DNAH9: variants seen among roughly 807,000 people sequenced by gnomAD.
The protein encoded by DNAH9 is dynein axonemal heavy chain 9.
In DNAH9, 345 loss-of-function variants were observed where a neutral mutation model predicts 471.6. The ratio of observed to expected loss-of-function variants is 0.73; its 90% CI spans 0.67 to 0.80. DNAH9 has a LOEUF of 0.80. Ranked by LOEUF, DNAH9 falls within the 30% of genes least tolerant of loss-of-function variation. The pLI is 0.00. For missense variants in DNAH9, 5,407 were observed against 5,609.2 expected, an observed-to-expected ratio of 0.96 and a Z score of 1.15; for synonymous variants, 2,093 against 2,123.6, an observed-to-expected ratio of 0.99 and a Z score of 0.40.
chr17:11,793,750 G>A (rs140494921), intron 42 of DNAH9, 86 bp downstream of exon 42: 2 of 1,175,026 alleles, frequency 1.7e-6, no homozygotes, highest in Non-Finnish European at 1.2e-6. Flanking sequence ...AAATCTAGCT[G>A]TTTAATGGAG....
chr17:11,701,447 G>A (rs2074593094), intron 24 of DNAH9, among the ~76,000 whole-genome samples, 200 bp downstream of exon 24: 1 of 152,170 alleles, frequency 6.6e-6, no homozygotes, highest in South Asian at 2.1e-4. Flanking sequence ...CCCTGACCTT[G>A]GGAAATCAAG....
intron 38 of DNAH9, among the ~76,000 whole-genome samples, chr17:11,777,581 A>G (rs556453263): frequency 6.6e-6 from 1 of 152,258 alleles, no homozygotes; most frequent in South Asian, 2.1e-4. Context: ...AGCTCATCAC[A>G]GTTCTGAATT....
intron 66 of DNAH9, among the ~76,000 whole-genome samples, chr17:11,938,104 G>C (rs1974772247): frequency 6.6e-6 from 1 of 152,188 alleles, no homozygotes; most frequent in Non-Finnish European, 1.5e-5. Context: ...AGGCAGACCA[G>C]GGTGAGGTGT....
Position 11,874,934 on chromosome 17 carries a change from T to A in DNAH9, c.10243-15T>A. On this transcript the variant is annotated splice_polypyrimidine_tract_variant and intron_variant, in intron 52 of 68. Coordinates refer to ENST00000262442, the MANE Select transcript of DNAH9 (RefSeq NM_001372.4). ...CTTCTGTTCTGAGCGTGGGGTGGTG[T>A]TTCTTCTTCACCAGACTCCCATTCC... 1 of 1,595,930 alleles carries A rather than the reference T, an allele frequency of 6.3e-7. No individual in the cohort carries two copies. The highest frequency in any genetic ancestry group is 8.6e-7 in the Non-Finnish European group (1 of 1,164,044).
rs8076923 is a variant in DNAH9, at chr17:11,735,876, C to T, written c.5815-3004C>T. ...ACTGGTCTGTGGCTGGCACAGCACT[C>T]CTTCTGGTACAAGAGCCTTTGGGGG... On this transcript the variant is annotated intron_variant, in intron 28 of 68. Coordinates refer to ENST00000262442, the MANE Select transcript of DNAH9 (RefSeq NM_001372.4). Among the ~76,000 whole-genome samples the T allele has an allele frequency of 7.4e-3, 1,129 of 152,350 alleles. 15 individuals carry two copies. The highest frequency in any genetic ancestry group is 0.025 in the African/African-American group (1,051 of 41,578).
At chr17:11,817,128 G>A (rs1970127558) in intron 45 of DNAH9, among the ~76,000 whole-genome samples, 1 of 152,096 alleles carries the variant, frequency 6.6e-6, no homozygotes, top group Admixed American at 6.6e-5. Context: ...TATTTAAATA[G>A]CCTCTGCCCC....
At chr17:11,888,149 ATT>A (rs1045580016) in intron 57 of DNAH9, among the ~76,000 whole-genome samples, 2 of 151,172 alleles carry the variant, frequency 1.3e-5, no homozygotes, top group East Asian at 2.0e-4. Context: ...CACCTGGCTA[ATT>A]TTTTTTGTAT....
intron 17 of DNAH9, 46 bp downstream of exon 17, chr17:11,669,840 G>T: frequency 6.7e-7 from 1 of 1,493,352 alleles, no homozygotes; most frequent in Non-Finnish European, 9.2e-7. Context: ...AGGCTGTGAG[G>T]AACACCATGT....
At chr17:11,646,588 C>A (rs951899240) in intron 11 of DNAH9, among the ~76,000 whole-genome samples, 1 of 152,158 alleles carries the variant, frequency 6.6e-6, no homozygotes, top group Admixed American at 6.5e-5. Flanking sequence ...TCTTTCTCCT[C>A]TTCTCTGATT....
intron 39 of DNAH9, among the ~76,000 whole-genome samples, chr17:11,782,687 A>G (rs1205826072): frequency 6.6e-6 from 1 of 152,188 alleles, no homozygotes; most frequent in East Asian, 1.9e-4. Flanking sequence ...ACTTGAGCCC[A>G]GGAGTTTGAG....
chr17:11,923,969 A>T, intron 62 of DNAH9, 28 bp downstream of exon 62: 5 of 1,610,008 alleles, frequency 3.1e-6, no homozygotes, highest in Non-Finnish European at 4.2e-6. Flanking sequence ...TGTCTGGGTT[A>T]TCTTGACCCA....
At chr17:11,694,613 T>TTG (rs1567724416) in intron 22 of DNAH9, among the ~76,000 whole-genome samples, 166 bp downstream of exon 22, 2,951 of 31,080 alleles carry the variant, frequency 0.095, 861 homozygotes, top group South Asian at 0.15. Context: ...TTTCTTGCTT[T>TTG]CTTGCTTTCT....
intron 6 of DNAH9, among the ~76,000 whole-genome samples, chr17:11,620,432 A>C (rs1305612440): frequency 6.6e-6 from 1 of 151,728 alleles, no homozygotes; most frequent in Non-Finnish European, 1.5e-5. Flanking sequence ...GAATTTCTTG[A>C]ACTCGGAAGG....
intron 61 of DNAH9, among the ~76,000 whole-genome samples, chr17:11,913,160 T>G (rs527334712): frequency 3.3e-5 from 5 of 150,484 alleles, no homozygotes; most frequent in Admixed American, 1.3e-4. Context: ...AAAGCGAGAC[T>G]CTGTCTCAAA....
At chr17:11,856,294 A>G (rs1971623250) in intron 50 of DNAH9, among the ~76,000 whole-genome samples, 1 of 152,232 alleles carries the variant, frequency 6.6e-6, no homozygotes, top group Non-Finnish European at 1.5e-5. Flanking sequence ...TATGAAAGGT[A>G]GGATTGTAGA....
At chr17:11,790,600 C>A (rs1374537784) in intron 41 of DNAH9, among the ~76,000 whole-genome samples, 3 of 151,958 alleles carry the variant, frequency 2.0e-5, no homozygotes, top group East Asian at 1.9e-4. Flanking sequence ...CGGTTGGGTT[C>A]TTTAAAGTCC....
chr17:11,647,172 G>A lies in DNAH9; in HGVS notation c.2071G>A (p.Glu691Lys). 6.2e-7 allele frequency: 1 copy of A among 1,614,024 alleles called. No homozygotes were observed. Among genetic ancestry groups the A allele is most frequent in the Non-Finnish European group, 8.5e-7 (1 of 1,179,936 alleles). Residue 691 changes from glutamate to lysine, a missense_variant, in exon 12 of 69, where the codon GAG (glutamate) becomes AAG (lysine). Around this residue, in one of 3 missense-constraint regions of DNAH9, gnomAD observed 4,636 missense variants for 4,900.3 expected, o/e 0.95. Coordinates refer to ENST00000262442, the MANE Select transcript of DNAH9 (RefSeq NM_001372.4). ...TCTAAAACGTGACCCAGAGACGAAG[G>A]AGATCACTATCAACTTTAACCCACA... ...PLLKRDPETKEITINFNPQLI... is the reference protein window; with the variant it reads ...PLLKRDPETKKITINFNPQLI...
intron 12 of DNAH9, among the ~76,000 whole-genome samples, chr17:11,649,201 C>T (rs937429801): frequency 2.0e-5 from 3 of 151,618 alleles, no homozygotes; most frequent in African/African-American, 7.3e-5. Flanking sequence ...GAAATTTGCC[C>T]CTCTGGGGAC....
At chr17:11,797,983 G>A (rs1306164897) in intron 43 of DNAH9, among the ~76,000 whole-genome samples, 190 bp downstream of exon 43, 1 of 152,114 alleles carries the variant, frequency 6.6e-6, no homozygotes, top group African/African-American at 2.4e-5. Flanking sequence ...AGCACAGTGC[G>A]GAGCTCAGGC....
Sources: allele counts gnomAD v4.1 joint callset (sites outside exome capture counted in the v4.1 genomes callset), GRCh38; gene constraint gnomAD v4.1.1; regional missense constraint gnomAD v4.1.1; transcripts MANE v1.5; gene names NCBI Gene and HGNC (gene_info 2026-07-23, HGNC 2026-07-21).